The following UVRAG variants were observed in gnomAD, a reference collection of about 807,000 sequenced individuals.
UVRAG encodes the protein UV radiation resistance associated.
Under a neutral mutation model 78.0 loss-of-function variants are expected in UVRAG, and 19 were observed. The ratio of observed to expected loss-of-function variants is 0.24; its 90% CI spans 0.17 to 0.36. The LOEUF (loss-of-function observed/expected upper bound fraction) is 0.36, where lower values mean the gene tolerates loss of function less well. UVRAG is among the 10% of genes least tolerant of loss of function. UVRAG has a pLI of 1.00. For missense variants in UVRAG, 740 were observed against 853.8 expected (o/e 0.87, Z 1.66); for synonymous variants, 323 against 324.6 (o/e 1.00, Z 0.05).
chr11:75,896,654 G>T (rs540988181), intron 5 of UVRAG, among the ~76,000 whole-genome samples: 1 of 152,316 alleles, frequency 6.6e-6, no homozygotes, highest in South Asian at 2.1e-4. Context: ...CTGGTATGTA[G>T]TAGGCTCTCA....
At chr11:75,892,321 T>C in intron 5 of UVRAG, 1 of 985,372 alleles carries the variant, frequency 1.0e-6, no homozygotes, top group Non-Finnish European at 1.2e-6. Flanking sequence ...CTGCAGATGC[T>C]CCTTTCATGA....
intron 8 of UVRAG, 139 bp downstream of exon 8, chr11:75,983,652 G>A: frequency 8.5e-7 from 1 of 1,177,010 alleles, no homozygotes; most frequent in Non-Finnish European, 1.1e-6. Context: ...TTCTGGAAAT[G>A]CATCCTTTGG....
rs1382529501 is a variant in UVRAG at position 76,141,307 on chromosome 11, G to A, written c.1994G>A (p.Cys665Tyr). 6.2e-7 allele frequency: 1 copy of A among 1,614,108 alleles called. No individual in the cohort carries two copies. The highest frequency in any genetic ancestry group is 8.5e-7 in the Non-Finnish European group (1 of 1,180,050). Residue 665 changes from cysteine (C) to tyrosine (Y), a missense_variant, in exon 15 of 15, where the codon TGT becomes TAT. Physicochemically the swap from Cys to Tyr is radical, Grantham distance 194. Coordinates refer to ENST00000356136, the MANE Select transcript of UVRAG (RefSeq NM_003369.4). ...IPVDSAVAVE[C>Y]DEQVLGEFEE... ...GTGGACAGTGCTGTGGCAGTAGAGT[G>A]TGACGAACAAGTTCTGGGAGAATTT... is the stretch of plus-strand genomic sequence containing the variant.
chr11:75,897,226 A>G (rs1204133559), intron 5 of UVRAG, among the ~76,000 whole-genome samples: 1 of 152,214 alleles, frequency 6.6e-6, no homozygotes, highest in Non-Finnish European at 1.5e-5. Context: ...AAGTTTCAGG[A>G]TCTGTTTTGA....
At chr11:75,954,884 A>G (rs1236720011) in intron 6 of UVRAG, among the ~76,000 whole-genome samples, 1 of 152,222 alleles carries the variant, frequency 6.6e-6, no homozygotes, top group Non-Finnish European at 1.5e-5. Context: ...AATAGTCAGG[A>G]AAGGCTTTTG....
chr11:75,845,009 A>T (rs930548873), intron 1 of UVRAG, among the ~76,000 whole-genome samples: 2 of 152,216 alleles, frequency 1.3e-5, no homozygotes, highest in African/African-American at 4.8e-5. Flanking sequence ...GTCTTGCGTT[A>T]GAATTTGTAT....
intron 7 of UVRAG, among the ~76,000 whole-genome samples, chr11:75,961,936 G>T (rs1014322353): frequency 1.3e-5 from 2 of 152,150 alleles, no homozygotes; most frequent in Non-Finnish European, 2.9e-5. Flanking sequence ...AGCAAAACAG[G>T]CTGGTTTGTG....
chr11:76,014,278 T>C (rs968001079), intron 11 of UVRAG, among the ~76,000 whole-genome samples: 5 of 152,208 alleles, frequency 3.3e-5, no homozygotes, highest in African/African-American at 1.2e-4. Context: ...ATTAGATAGA[T>C]AGTTTTGAAA....
At chr11:76,014,619 C>T (rs1950115197) in intron 11 of UVRAG, among the ~76,000 whole-genome samples, 1 of 152,150 alleles carries the variant, frequency 6.6e-6, no homozygotes, top group African/African-American at 2.4e-5. Context: ...GCTGTGACTC[C>T]ACACCTGTAT....
At chr11:75,987,374 C>T (rs1003980879) in intron 8 of UVRAG, among the ~76,000 whole-genome samples, 3 of 152,160 alleles carry the variant, frequency 2.0e-5, no homozygotes, top group Non-Finnish European at 2.9e-5. Context: ...ACCAGATTTT[C>T]GTATGTTAAT....
At chr11:75,836,656 CCCTCTCCTGTGCATGTATCAACTT>C (rs1298921549) in intron 1 of UVRAG, among the ~76,000 whole-genome samples, 1 of 152,190 alleles carries the variant, frequency 6.6e-6, no homozygotes, top group Non-Finnish European at 1.5e-5. Flanking sequence ...AAAGCAGCTT[CCCTCTCCTGTGCATGTATCAACTT>C]CCTCTTCTGC....
At chr11:75,849,658 G>A (rs1378298823) in intron 1 of UVRAG, among the ~76,000 whole-genome samples, 2 of 152,166 alleles carry the variant, frequency 1.3e-5, no homozygotes, top group Admixed American at 1.3e-4. Flanking sequence ...TTTCTATCAA[G>A]CCTTTTAATG....
chr11:75,872,305 G>A (rs183053207), intron 3 of UVRAG, among the ~76,000 whole-genome samples: 2 of 151,794 alleles, frequency 1.3e-5, no homozygotes, highest in East Asian at 3.9e-4. Context: ...TTCAGGGGCT[G>A]CCTGGGACAT....
chr11:76,134,808 A>G (rs927970485), intron 14 of UVRAG, among the ~76,000 whole-genome samples: 3 of 152,186 alleles, frequency 2.0e-5, no homozygotes, highest in South Asian at 2.1e-4. Context: ...TAGTCGATCT[A>G]TTTTATAAAT....
intron 4 of UVRAG, among the ~76,000 whole-genome samples, chr11:75,887,750 A>C (rs1356172172): frequency 6.6e-6 from 1 of 150,860 alleles, no homozygotes; most frequent in Non-Finnish European, 1.5e-5. Context: ...CCGGGCCCCA[A>C]GTTTTGTATT....
At chr11:75,874,424 TC>T in intron 3 of UVRAG, among the ~76,000 whole-genome samples, 1 of 152,214 alleles carries the variant, frequency 6.6e-6, no homozygotes, top group Non-Finnish European at 1.5e-5. Flanking sequence ...AATTTAACAT[TC>T]CTGCACAATC....
At chr11:75,950,693 T>C (rs1288606128) in intron 6 of UVRAG, among the ~76,000 whole-genome samples, 2 of 152,198 alleles carry the variant, frequency 1.3e-5, no homozygotes, top group Non-Finnish European at 2.9e-5. Context: ...CCAGTTGCTC[T>C]ACCTCTTGCC....
At chr11:75,917,142 C>T (rs543417956) in intron 6 of UVRAG, among the ~76,000 whole-genome samples, 3 of 152,284 alleles carry the variant, frequency 2.0e-5, no homozygotes, top group African/African-American at 7.2e-5. Flanking sequence ...AACTAAATTC[C>T]TCCCGTAGTT....
chr11:75,824,679 T>A (rs933552833), intron 1 of UVRAG, among the ~76,000 whole-genome samples: 1 of 144,814 alleles, frequency 6.9e-6, no homozygotes, highest in African/African-American at 2.7e-5. Context: ...ATTTTTTTTT[T>A]TTTTTTTTTT....
Sources: gnomAD v4.1 joint callset for allele counts (sites outside exome capture counted in the v4.1 genomes callset) on GRCh38, gnomAD v4.1.1 for gene constraint, MANE v1.5 for transcripts, NCBI Gene and HGNC (gene_info 2026-07-23, HGNC 2026-07-21) for gene names.